Variants in ZDHHC17 observed in about 807,000 individuals in gnomAD.
The protein encoded by ZDHHC17 is zDHHC palmitoyltransferase 17.
Under a neutral mutation model 90.3 loss-of-function variants are expected in ZDHHC17, and 40 were observed. The ratio of observed to expected loss-of-function variants is 0.44; its 90% confidence interval spans 0.34 to 0.58. The LOEUF is 0.58. Ranked by LOEUF, ZDHHC17 falls within the 20% of genes least tolerant of loss-of-function variation. The pLI is 0.01. For missense variants in ZDHHC17, 614 were observed against 780.8 expected (o/e 0.79, Z 2.55); for synonymous variants, 235 against 252.4 (o/e 0.93, Z 0.65).
intron 7 of ZDHHC17, among the ~76,000 whole-genome samples, chr12:76,816,840 T>C (rs1248581062): frequency 6.6e-6 from 1 of 152,082 alleles, no homozygotes; most frequent in African/African-American, 2.4e-5. Flanking sequence ...TTAGAAATAG[T>C]CTAATTACAA....
At chr12:76,789,882 G>A (rs1033735141) in intron 1 of ZDHHC17, among the ~76,000 whole-genome samples, 1 of 152,150 alleles carries the variant, frequency 6.6e-6, no homozygotes, top group East Asian at 1.9e-4. Flanking sequence ...TCTGAGAAGT[G>A]TCACAGCCAA....
intron 1 of ZDHHC17, among the ~76,000 whole-genome samples, chr12:76,766,662 C>G (rs747380196): frequency 6.6e-6 from 1 of 152,014 alleles, no homozygotes. Flanking sequence ...TCTGGAAATT[C>G]GGTAACTAGC....
intron 1 of ZDHHC17, among the ~76,000 whole-genome samples, chr12:76,776,519 T>C (rs897964760): frequency 3.9e-5 from 6 of 152,216 alleles, no homozygotes; most frequent in African/African-American, 1.4e-4. Context: ...ACATAAATGT[T>C]ATGTTATAAA....
At chr12:76,786,969 T>A (rs1264158295) in intron 1 of ZDHHC17, among the ~76,000 whole-genome samples, 2 of 152,246 alleles carry the variant, frequency 1.3e-5, no homozygotes, top group Admixed American at 6.5e-5. Context: ...TTCTTAGGAT[T>A]TTCAGTTACG....
At chr12:76,783,378 A>G (rs1952649259) in intron 1 of ZDHHC17, among the ~76,000 whole-genome samples, 1 of 152,224 alleles carries the variant, frequency 6.6e-6, no homozygotes, top group Non-Finnish European at 1.5e-5. Context: ...CACGTCTTAC[A>G]TGGTGGCAGG....
intron 5 of ZDHHC17, chr12:76,813,483 G>T: frequency 3.1e-6 from 1 of 327,362 alleles, no homozygotes; most frequent in South Asian, 2.3e-5. Context: ...CCAAGGAAAT[G>T]CTTTACTTAT....
chr12:76,801,513 G>A (rs780504992), intron 2 of ZDHHC17, among the ~76,000 whole-genome samples: 3 of 151,900 alleles, frequency 2.0e-5, no homozygotes, highest in Admixed American at 6.5e-5. Context: ...AATTAGCCGG[G>A]CATGGTGGTG....
At chr12:76,804,489 T>C (rs1381394058) in intron 2 of ZDHHC17, among the ~76,000 whole-genome samples, 1 of 152,166 alleles carries the variant, frequency 6.6e-6, no homozygotes, top group Admixed American at 6.5e-5. Flanking sequence ...TTTCAAGGCA[T>C]GATAAACCTA....
chr12:76,842,180 A>C, intron 11 of ZDHHC17, 74 bp downstream of exon 11: 1 of 1,360,824 alleles, frequency 7.3e-7, no homozygotes, highest in Non-Finnish European at 9.6e-7. Flanking sequence ...ATTAGAGGAC[A>C]GAGGAATTAA....
intron 10 of ZDHHC17, among the ~76,000 whole-genome samples, chr12:76,836,197 G>T (rs758503173): frequency 6.6e-6 from 1 of 151,684 alleles, no homozygotes; most frequent in Non-Finnish European, 1.5e-5. Context: ...GTGGAGACTT[G>T]TTCTTTTTTT....
At chr12:76,789,061 G>C (rs1451478354) in intron 1 of ZDHHC17, among the ~76,000 whole-genome samples, 2 of 152,110 alleles carry the variant, frequency 1.3e-5, no homozygotes, top group Non-Finnish European at 2.9e-5. Flanking sequence ...TGAGTTTATG[G>C]AGAAATAGTT....
chr12:76,813,889 A>G (rs1953053407), intron 5 of ZDHHC17, among the ~76,000 whole-genome samples: 1 of 152,110 alleles, frequency 6.6e-6, no homozygotes, highest in South Asian at 2.1e-4. Flanking sequence ...AATTTAGCCT[A>G]CAATCTCATA....
chr12:76,846,790 G>A, intron 14 of ZDHHC17, 111 bp downstream of exon 14: 1 of 901,676 alleles, frequency 1.1e-6, no homozygotes, highest in Non-Finnish European at 1.7e-6. Flanking sequence ...CTAAAATTAT[G>A]GTTTGGACAC....
At chr12:76,842,816 G>C in intron 11 of ZDHHC17, 103 bp from the exon 12 acceptor site, 1 of 802,308 alleles carries the variant, frequency 1.2e-6, no homozygotes, top group South Asian at 2.0e-5. Flanking sequence ...CAAAACATCA[G>C]TAAATTAAAG....
chr12:76,799,134 C>G (rs1174019091), intron 2 of ZDHHC17, among the ~76,000 whole-genome samples: 2 of 151,966 alleles, frequency 1.3e-5, no homozygotes, highest in African/African-American at 4.8e-5. Context: ...GAGACCCCAT[C>G]TCAAAAAAAA....
intron 13 of ZDHHC17, 25 bp from the exon 14 acceptor site, chr12:76,846,571 A>G (rs1476505197): frequency 1.3e-6 from 2 of 1,596,584 alleles, no homozygotes; most frequent in Admixed American, 1.7e-5. Flanking sequence ...TAGCTGAAAA[A>G]CCTTGCTTCT....
intron 5 of ZDHHC17, among the ~76,000 whole-genome samples, chr12:76,812,580 C>G (rs1339901242): frequency 6.6e-6 from 1 of 151,906 alleles, no homozygotes; most frequent in Non-Finnish European, 1.5e-5. Flanking sequence ...TTAATGTTAA[C>G]TATGTTCTGA....
chr12:76,819,659 C>T (rs1056766574), intron 7 of ZDHHC17, among the ~76,000 whole-genome samples: 4 of 152,126 alleles, frequency 2.6e-5, no homozygotes, highest in African/African-American at 9.7e-5. Context: ...TATAAACAAA[C>T]GTTCCTTTAT....
intron 10 of ZDHHC17, among the ~76,000 whole-genome samples, chr12:76,831,254 T>C (rs1238921023): frequency 6.6e-6 from 1 of 152,232 alleles, no homozygotes; most frequent in African/African-American, 2.4e-5. Flanking sequence ...TTCTGATGAC[T>C]TCTAAAATCT....
Sources: allele counts gnomAD v4.1 joint callset (sites outside exome capture counted in the v4.1 genomes callset), GRCh38; gene constraint gnomAD v4.1.1; transcripts MANE v1.5; gene names NCBI Gene and HGNC (gene_info 2026-07-23, HGNC 2026-07-21).